Variants in BRIP1 observed in about 807,000 individuals in gnomAD.
BRIP1 encodes Fanconi anemia group J protein.
A neutral mutation model predicts 119.7 loss-of-function variants in BRIP1; 88 were observed. The ratio of observed to expected loss-of-function variants is 0.74; its 90% confidence interval spans 0.62 to 0.88. BRIP1 has a LOEUF of 0.88. Among genes scored for constraint, BRIP1 ranks in the 40% least tolerant of loss-of-function variants. The probability of loss-of-function intolerance (pLI) is 0.00; values close to 1 mark genes in which losing one functional copy is unlikely to be tolerated. For missense variants in BRIP1, 1,259 were observed against 1,455.4 expected (o/e 0.87, Z 2.20); for synonymous variants, 443 against 496.5 (o/e 0.89, Z 1.43).
At position 61,734,178 on chromosome 17, in the gene BRIP1, T is replaced by C. The variant is rs2076887540; in HGVS notation, c.2379+8835A>G. On this transcript the variant is annotated intron_variant, in intron 16 of 19. Transcript: ENST00000259008. The surrounding 1 kb of genome is among the most constrained non-coding windows in gnomAD (Gnocchi z 5.2). ...GAGGTGGATGCCTCAATTATAAAGC[T>C]GAATACTCCTGTGGTTGTTAGATCA... Among the ~76,000 whole-genome samples, 1 of 152,216 alleles carries C rather than the reference T, an allele frequency of 6.6e-6. No homozygotes were observed.
rs1202305127 is a variant in BRIP1, at chr17:61,735,659, G to T, written c.2379+7354C>A. ...AAAAACCACGTTTAAAAATTAGCTG[G>T]GTGTGGTGGCGTGTGGCTGTAGTGC... is the stretch of plus-strand genomic sequence containing the variant. On this transcript the variant is annotated intron_variant, in intron 16 of 19. Coordinates refer to ENST00000259008, the MANE Select transcript of BRIP1 (RefSeq NM_032043.3). This position sits in a 1 kb window ranked among gnomAD's most constrained non-coding sequence, Gnocchi z 4.4. Among the ~76,000 whole-genome samples the T allele has an allele frequency of 6.6e-6, 1 of 151,994 alleles. No homozygotes were observed. Among genetic ancestry groups the T allele is most frequent in the Non-Finnish European group, 1.5e-5 (1 of 67,992 alleles).
chr17:61,781,133 A>G (rs2077614518), intron 11 of BRIP1, 128 bp from the exon 12 acceptor site: 3 of 795,920 alleles, frequency 3.8e-6, no homozygotes, highest in Admixed American at 2.4e-5. Flanking sequence ...TTCAAAAATA[A>G]CATTCTCCTT....
Position 61,822,166 on chromosome 17 carries a change from AAAAAT to A in BRIP1, c.628-13414_628-13410del, listed in dbSNP as rs1215715245. Among the ~76,000 whole-genome samples, 1 of 152,148 alleles carries A rather than the reference AAAAAT, an allele frequency of 6.6e-6. No homozygotes were observed. Among genetic ancestry groups the A allele is most frequent in the African/African-American group, 2.4e-5 (1 of 41,416 alleles). ...CGTTACATAAAATTAGTAAATGACA[AAAAAT>A]AAAAGACAATAAAAGAAGAAGAAAA... On this transcript the variant is annotated intron_variant, in intron 6 of 19. Coordinates refer to ENST00000259008, the MANE Select transcript of BRIP1 (RefSeq NM_032043.3). This position sits in a 1 kb window ranked among gnomAD's most constrained non-coding sequence, Gnocchi z 4.4.
In BRIP1 at chr17:61,757,716, A is replaced by G. The variant is rs1296857681; in HGVS notation, c.2098-13125T>C. ...GAAATCATGTGAAAAGAAAACAATAAAAGCCAGACGCGGTGGCTCACACCT... is the reference window on the plus strand; with the variant it reads ...GAAATCATGTGAAAAGAAAACAATAGAAGCCAGACGCGGTGGCTCACACCT... On this transcript the variant is annotated intron_variant, in intron 14 of 19. Coordinates refer to ENST00000259008, the MANE Select transcript of BRIP1 (RefSeq NM_032043.3). This position sits in a 1 kb window ranked among gnomAD's most constrained non-coding sequence, Gnocchi z 4.3. Among the ~76,000 whole-genome samples, 1 of 152,116 alleles carries G rather than the reference A, an allele frequency of 6.6e-6. No homozygotes were observed. Among genetic ancestry groups the G allele is most frequent in the East Asian group, 1.9e-4 (1 of 5,192 alleles).
chr17:61,702,192 C>T (rs2061624640), intron 17 of BRIP1, among the ~76,000 whole-genome samples: 1 of 152,164 alleles, frequency 6.6e-6, no homozygotes, highest in Admixed American at 6.6e-5. Context: ...ACCCAATTTG[C>T]TGGCACTCTG....
Position 61,856,263 on chromosome 17 carries a change from C to T in BRIP1, c.379+795G>A, listed in dbSNP as rs2145819635. On this transcript the variant is annotated intron_variant, in intron 4 of 19. Transcript: ENST00000259008. The surrounding 1 kb of genome is among the most constrained non-coding windows in gnomAD (Gnocchi z 5.1). ...CACATGCTTTAGAGGAAGCTGACTC[C>T]ATCCTTGATTTTAGGAAATGGATAC... Among the ~76,000 whole-genome samples the T allele has an allele frequency of 6.6e-6, 1 of 152,320 alleles. No individual in the cohort carries two copies. Among genetic ancestry groups the T allele is most frequent in the Non-Finnish European group, 1.5e-5 (1 of 68,028 alleles).
At position 61,822,886 on chromosome 17, in the gene BRIP1, T is replaced by A. The variant is rs2078347647; in HGVS notation, c.628-14129A>T. On this transcript the variant is annotated intron_variant, in intron 6 of 19. Coordinates refer to ENST00000259008, the MANE Select transcript of BRIP1 (RefSeq NM_032043.3). This position sits in a 1 kb window ranked among gnomAD's most constrained non-coding sequence, Gnocchi z 4.4. ...GTAGTGGTGCTGTTGAATTAATGGC[T>A]AAATTAGGTCGTAAGTTTCAAGAAG... is the stretch of plus-strand genomic sequence containing the variant. Among the ~76,000 whole-genome samples the A allele has an allele frequency of 6.6e-6, 1 of 152,170 alleles. No individual in the cohort carries two copies. Among genetic ancestry groups the A allele is most frequent in the Non-Finnish European group, 1.5e-5 (1 of 68,028 alleles).
intron 18 of BRIP1, among the ~76,000 whole-genome samples, chr17:61,692,501 A>G (rs951357687): frequency 6.6e-6 from 1 of 152,184 alleles, no homozygotes; most frequent in Non-Finnish European, 1.5e-5. Flanking sequence ...CCAAACCAAA[A>G]AAACAGATAT....
chr17:61,847,309 T>C, intron 5 of BRIP1, 89 bp from the exon 6 acceptor site: 1 of 1,424,884 alleles, frequency 7.0e-7, no homozygotes. Flanking sequence ...CTCTATGTAT[T>C]TTTTTCCTGC....
intron 16 of BRIP1, among the ~76,000 whole-genome samples, chr17:61,731,120 G>GA (rs1332557212): frequency 4.6e-5 from 7 of 150,586 alleles, no homozygotes; most frequent in African/African-American, 9.7e-5. Flanking sequence ...CTCTGAGGAG[G>GA]AAAAAAAAGG....
At chr17:61,702,603 CAG>C (rs1187054970) in intron 17 of BRIP1, among the ~76,000 whole-genome samples, 1 of 152,170 alleles carries the variant, frequency 6.6e-6, no homozygotes, top group Non-Finnish European at 1.5e-5. Context: ...TAATGGCTTC[CAG>C]CTCCATCCAT....
Position 61,683,353 on chromosome 17 carries a change from T to C in BRIP1, c.3693A>G (p.Ile1231Met), listed in dbSNP as rs1046992728. The change falls in exon 20 of 20, where the codon ATA becomes ATG. Residue 1231 changes from isoleucine (I) to methionine (M), a missense_variant. Ile to Met is a conservative substitution (Grantham distance 10, BLOSUM62 1). This residue lies in a region of BRIP1 where 753 missense variants were observed against 891.8 expected (regional missense o/e 0.84). Coordinates refer to ENST00000259008, the MANE Select transcript of BRIP1 (RefSeq NM_032043.3). This position sits in a 1 kb window ranked among gnomAD's most constrained non-coding sequence, Gnocchi z 4.7. ...LELGKTHEIE[I>M]KNFKPSPSKN... ...TGGAAGGAGATGGTTTAAAGTTCTTTATTTCTATTTCATGAGTTTTTCCCA... is the reference window on the plus strand; with the variant it reads ...TGGAAGGAGATGGTTTAAAGTTCTTCATTTCTATTTCATGAGTTTTTCCCA... 1.9e-6 allele frequency: 3 copies of C among 1,611,676 alleles called. No individual in the cohort carries two copies. Among genetic ancestry groups the C allele is most frequent in the African/African-American group, 2.7e-5 (2 of 74,778 alleles).
intron 14 of BRIP1, among the ~76,000 whole-genome samples, chr17:61,771,656 G>C (rs570731324): frequency 1.3e-5 from 2 of 152,134 alleles, no homozygotes; most frequent in African/African-American, 4.8e-5. Flanking sequence ...CAGTTTGGTG[G>C]TTCTTCAAAA....
In BRIP1 at chr17:61,808,410, A is replaced by G. The variant is rs1189653232; in HGVS notation, c.918+57T>C. ...AAATGTACATATAAAACACATACTG[A>G]GTAATTTAAATATTTTCAGCCTTAT... is the stretch of plus-strand genomic sequence containing the variant. On this transcript the variant is annotated intron_variant, in intron 7 of 19. Coordinates refer to ENST00000259008, the MANE Select transcript of BRIP1 (RefSeq NM_032043.3). The surrounding 1 kb of genome is among the most constrained non-coding windows in gnomAD (Gnocchi z 4.1). 2.0e-6 allele frequency: 3 copies of G among 1,504,722 alleles called. No individual in the cohort carries two copies. The highest frequency in any genetic ancestry group is 2.8e-6 in the Non-Finnish European group (3 of 1,083,536). 93.2% of individuals were successfully genotyped at this position (1,504,722 alleles called of 1,614,324 possible).
chr17:61,820,613 C>T (rs1004860715), intron 6 of BRIP1, among the ~76,000 whole-genome samples: 1 of 152,156 alleles, frequency 6.6e-6, no homozygotes, highest in African/African-American at 2.4e-5. Flanking sequence ...TTCATTCATG[C>T]TACCTATCTG....
chr17:61,775,793 T>C lies in BRIP1; in HGVS notation c.2097+608A>G, dbSNP rs959082497. On this transcript the variant is annotated intron_variant, in intron 14 of 19. Transcript: ENST00000259008. This position sits in a 1 kb window ranked among gnomAD's most constrained non-coding sequence, Gnocchi z 4.4. ...AAGAATGCTCTGTTTCTTTCTACTC[T>C]GAAAATATCGACTTGTCCCTAAGAA... 1.1e-4 allele frequency: 16 copies of C among 152,236 alleles called. No individual in the cohort carries two copies. The highest frequency in any genetic ancestry group is 3.4e-4 in the African/African-American group (14 of 41,466). 9.4% of individuals were successfully genotyped at this position (152,236 alleles called of 1,614,324 possible). A position where few individuals can be genotyped will look rare whatever the true frequency, so the allele number is the denominator to read the frequency against.
rs1194615746 is a variant in BRIP1 at position 61,693,056 on chromosome 17, A to G, written c.2575+374T>C. Among the ~76,000 whole-genome samples, 4 of 152,196 alleles carry G rather than the reference A, an allele frequency of 2.6e-5. No individual in the cohort carries two copies. The highest frequency in any genetic ancestry group is 9.6e-5 in the African/African-American group (4 of 41,452). On this transcript the variant is annotated intron_variant, in intron 18 of 19. Coordinates refer to ENST00000259008, the MANE Select transcript of BRIP1 (RefSeq NM_032043.3). This position sits in a 1 kb window ranked among gnomAD's most constrained non-coding sequence, Gnocchi z 4.2. ...TTAAGCAGTCATTGAAAAGAAGGAAATCCTGCAACATAGATGAACCTTGAG... is the reference window on the plus strand; with the variant it reads ...TTAAGCAGTCATTGAAAAGAAGGAAGTCCTGCAACATAGATGAACCTTGAG...
rs1297793393 is a variant in BRIP1 at position 61,774,987 on chromosome 17, T to C, written c.2097+1414A>G. 6.6e-6 allele frequency among the ~76,000 whole-genome samples: 1 copy of C among 152,224 alleles called. No homozygotes were observed. Among genetic ancestry groups the C allele is most frequent in the Non-Finnish European group, 1.5e-5 (1 of 68,028 alleles). ...TTAGCAATGAAATAAGATTTTGCTT[T>C]AATCGCTTACATAACTGTGGAGTGA... On this transcript the variant is annotated intron_variant, in intron 14 of 19. Coordinates refer to ENST00000259008, the MANE Select transcript of BRIP1 (RefSeq NM_032043.3). The surrounding 1 kb of genome is among the most constrained non-coding windows in gnomAD (Gnocchi z 5.8).
chr17:61,808,337 A>C lies in BRIP1; in HGVS notation c.918+130T>G, dbSNP rs962220151. 1.3e-5 allele frequency: 12 copies of C among 929,366 alleles called. No homozygotes were observed. The highest frequency in any genetic ancestry group is 3.3e-4 in the Middle Eastern group (1 of 3,036). The allele number at this position is 929,366 out of a possible 1,614,324, so 57.6% of individuals were successfully genotyped here. ...TTACAGGAAAATTGTTTTTTAAAAG[A>C]TATCAATACTAGCAGTTAATTTGAT... On this transcript the variant is annotated intron_variant, in intron 7 of 19. Coordinates refer to ENST00000259008, the MANE Select transcript of BRIP1 (RefSeq NM_032043.3). The surrounding 1 kb of genome is among the most constrained non-coding windows in gnomAD (Gnocchi z 4.1).
Sources: gnomAD v4.1 joint callset for allele counts (sites outside exome capture counted in the v4.1 genomes callset) on GRCh38, gnomAD v4.1.1 for gene constraint, gnomAD v4.1.1 regional missense constraint, Gnocchi (gnomAD v3.1) non-coding constraint, MANE v1.5 for transcripts, NCBI Gene and HGNC (gene_info 2026-07-23, HGNC 2026-07-21) for gene names.